The following ADCY2 variants were observed in gnomAD, a reference collection of about 807,000 sequenced individuals.
ADCY2 encodes adenylate cyclase type 2.
ADCY2 carries 31 observed loss-of-function variants against 125.2 expected under a neutral mutation model. The observed-to-expected ratio is 0.25, with a 90% CI of 0.19 to 0.33. The LOEUF is 0.33. ADCY2 is among the 10% of genes least tolerant of loss of function. ADCY2 has a pLI of 1.00. For missense variants in ADCY2, 904 were observed against 1,418.2 expected (o/e 0.64, Z 5.82); for synonymous variants, 512 against 548.4 (o/e 0.93, Z 0.93).
At chr5:7,585,486 T>C (rs1482509756) in intron 3 of ADCY2, among the ~76,000 whole-genome samples, 2 of 152,204 alleles carry the variant, frequency 1.3e-5, no homozygotes, top group African/African-American at 4.8e-5. Context: ...TTTAATTTAT[T>C]AAATGCTCCT....
At chr5:7,495,102 A>G (rs919238713) in intron 2 of ADCY2, among the ~76,000 whole-genome samples, 2 of 152,302 alleles carry the variant, frequency 1.3e-5, no homozygotes, top group East Asian at 1.9e-4. Context: ...GCAAACCCAT[A>G]TTTAATATCC....
intron 2 of ADCY2, among the ~76,000 whole-genome samples, chr5:7,512,276 A>G (rs1038952125): frequency 1.3e-5 from 2 of 150,952 alleles, no homozygotes; most frequent in African/African-American, 4.9e-5. Flanking sequence ...GAGGAGGATT[A>G]CTGTTATCAG....
At chr5:7,608,362 G>A (rs1737457404) in intron 3 of ADCY2, among the ~76,000 whole-genome samples, 1 of 152,058 alleles carries the variant, frequency 6.6e-6, no homozygotes, top group East Asian at 1.9e-4. Context: ...CGGGCAGATT[G>A]CTTGAGCTCA....
At chr5:7,519,209 G>A (rs182557702) in intron 2 of ADCY2, among the ~76,000 whole-genome samples, 2 of 152,278 alleles carry the variant, frequency 1.3e-5, no homozygotes, top group Non-Finnish European at 1.5e-5. Flanking sequence ...GTTGTAATAC[G>A]TGGTGCAGAT....
chr5:7,657,597 C>T (rs1739382339), intron 4 of ADCY2, among the ~76,000 whole-genome samples: 1 of 152,182 alleles, frequency 6.6e-6, no homozygotes, highest in Admixed American at 6.5e-5. Context: ...TGCCAGGACA[C>T]ATTTTTAATT....
intron 4 of ADCY2, among the ~76,000 whole-genome samples, chr5:7,672,013 G>A (rs930691422): frequency 3.9e-5 from 6 of 152,066 alleles, no homozygotes; most frequent in African/African-American, 1.4e-4. Context: ...TGTGCTCTCT[G>A]ATGGCTGCTA....
At chr5:7,409,062 A>G (rs1029320395) in intron 1 of ADCY2, among the ~76,000 whole-genome samples, 17 of 152,242 alleles carry the variant, frequency 1.1e-4, no homozygotes, top group Non-Finnish European at 2.9e-5. Flanking sequence ...AAAAACAACA[A>G]GATCATGTCC....
chr5:7,564,206 T>C (rs965151468), intron 3 of ADCY2, among the ~76,000 whole-genome samples: 1 of 152,208 alleles, frequency 6.6e-6, no homozygotes, highest in East Asian at 1.9e-4. Context: ...GGTTATCTGT[T>C]GGTCTAGTGC....
At chr5:7,559,817 T>C (rs1187903451) in intron 3 of ADCY2, among the ~76,000 whole-genome samples, 1 of 152,132 alleles carries the variant, frequency 6.6e-6, no homozygotes, top group African/African-American at 2.4e-5. Context: ...CATACTGCTG[T>C]TGGGGGTGAA....
intron 17 of ADCY2, among the ~76,000 whole-genome samples, chr5:7,772,500 AATG>A (rs1743585720): frequency 6.6e-6 from 1 of 152,192 alleles, no homozygotes. Flanking sequence ...AGCTATCTGT[AATG>A]ATTTATATTC....
intron 3 of ADCY2, among the ~76,000 whole-genome samples, chr5:7,533,314 A>G (rs1734711349): frequency 6.6e-6 from 1 of 151,244 alleles, no homozygotes; most frequent in South Asian, 2.1e-4. Context: ...TTCCCTCTGT[A>G]TTTGCGCTTG....
In ADCY2 at chr5:7,581,703, C is replaced by T. The variant is rs567940088; in HGVS notation, c.571-44464C>T. ...GGGTTTGGTGGCACATGCCTGTAGT[C>T]CCAGCTACTTGGGAGGCTGAGGCAG... On this transcript the variant is annotated intron_variant, in intron 3 of 24. Transcript: ENST00000338316. 2.6e-5 allele frequency among the ~76,000 whole-genome samples: 4 copies of T among 151,802 alleles called. 1 individual carries two copies. The highest frequency in any genetic ancestry group is 6.3e-3 in the Middle Eastern group (2 of 316).
intron 3 of ADCY2, among the ~76,000 whole-genome samples, chr5:7,536,332 AG>A: frequency 6.6e-6 from 1 of 151,840 alleles, no homozygotes; most frequent in African/African-American, 2.4e-5. Context: ...TGGCCATTAC[AG>A]TACTGGAGAT....
At chr5:7,503,087 C>CA (rs1743656994) in intron 2 of ADCY2, among the ~76,000 whole-genome samples, 1 of 152,100 alleles carries the variant, frequency 6.6e-6, no homozygotes. Context: ...CCCTTGTATC[C>CA]AGTGTGGAAT....
In ADCY2 at chr5:7,757,582, A is replaced by G; in HGVS notation, c.2090A>G (p.Asn697Ser). 1.3e-6 allele frequency: 2 copies of G among 1,565,600 alleles called. No individual in the cohort carries two copies. The highest frequency in any genetic ancestry group is 1.7e-6 in the Non-Finnish European group (2 of 1,143,800). ...TAIILMMAVF[N>S]MFFLSDSEET... The stretch of plus-strand genomic sequence containing the variant: ...ATCATATTAATGATGGCCGTGTTCA[A>G]CATGGTAAGTCCCAGAGCACGGCCG... The change falls in exon 16 of 25, where the codon AAC becomes AGC. Residue 697 changes from asparagine to serine, a missense_variant. By Grantham distance (46) the Asn-to-Ser change is conservative. Around this residue, in one of 7 missense-constraint regions of ADCY2, gnomAD observed 221 missense variants for 246.2 expected, o/e 0.90. Transcript: ENST00000338316.
chr5:7,421,953 G>T (rs1300080108), intron 2 of ADCY2, among the ~76,000 whole-genome samples: 2 of 152,154 alleles, frequency 1.3e-5, no homozygotes, highest in Non-Finnish European at 2.9e-5. Context: ...GAAAATAACT[G>T]GTCCAATCAC....
chr5:7,454,023 T>C (rs1259931121), intron 2 of ADCY2, among the ~76,000 whole-genome samples: 1 of 152,218 alleles, frequency 6.6e-6, no homozygotes, highest in Non-Finnish European at 1.5e-5. Flanking sequence ...TCCCTGGTGC[T>C]GGCTGCAACC....
chr5:7,778,766 A>G (rs922097583), intron 18 of ADCY2, among the ~76,000 whole-genome samples: 1 of 152,188 alleles, frequency 6.6e-6, no homozygotes, highest in Non-Finnish European at 1.5e-5. Context: ...ACAATGTCCT[A>G]ACGAGGGATT....
At chr5:7,816,806 G>A in intron 22 of ADCY2, 60 bp from the exon 23 acceptor site, 1 of 1,404,358 alleles carries the variant, frequency 7.1e-7, no homozygotes. Flanking sequence ...TGGGACAAAG[G>A]GGAACAGTTT....
Sources: gnomAD v4.1 joint callset for allele counts (sites outside exome capture counted in the v4.1 genomes callset) on GRCh38, gnomAD v4.1.1 for gene constraint, gnomAD v4.1.1 regional missense constraint, MANE v1.5 for transcripts, NCBI Gene and HGNC (gene_info 2026-07-23, HGNC 2026-07-21) for gene names.